PTPRO: variants seen among roughly 807,000 people sequenced by gnomAD.
The protein encoded by PTPRO is receptor-type tyrosine-protein phosphatase O.
A neutral mutation model predicts 145.2 loss-of-function variants in PTPRO; 62 were observed. The observed-to-expected ratio is 0.43, with a 90% CI of 0.35 to 0.53. The LOEUF is 0.53. Among genes scored for constraint, PTPRO ranks in the 20% least tolerant of loss-of-function variants. The pLI is 0.01. For missense variants in PTPRO, 1,345 were observed against 1,482.7 expected (o/e 0.91, Z 1.53); for synonymous variants, 565 against 514.7 (o/e 1.10, Z -1.32).
chr12:15,590,502 C>T (rs1944526530), intron 25 of PTPRO, among the ~76,000 whole-genome samples: 1 of 152,130 alleles, frequency 6.6e-6, no homozygotes, highest in Non-Finnish European at 1.5e-5. Flanking sequence ...TTTGGTCTTC[C>T]TCATGCTTTT....
intron 1 of PTPRO, among the ~76,000 whole-genome samples, chr12:15,389,191 C>T (rs1317064975): frequency 6.6e-6 from 1 of 151,248 alleles, no homozygotes; most frequent in Non-Finnish European, 1.5e-5. Context: ...GCAAGCTCTG[C>T]CTCCCAGGTT....
Position 15,524,980 on chromosome 12 carries a change from A to T in PTPRO, c.2043+15A>T, listed in dbSNP as rs1367744986. On this transcript the variant is annotated intron_variant, in intron 11 of 26. Coordinates refer to ENST00000281171, the MANE Select transcript of PTPRO (RefSeq NM_030667.3). ...TTAAAAAGAGTGTATGTTTCTTTGA[A>T]TGCCAGCATTGTGTGTCTGTAAATT... The T allele has an allele frequency of 6.2e-7, 1 of 1,613,256 alleles. No individual in the cohort carries two copies. The highest frequency in any genetic ancestry group is 2.2e-5 in the East Asian group (1 of 44,828).
intron 1 of PTPRO, chr12:15,440,009 G>C: frequency 1.5e-6 from 1 of 679,488 alleles, no homozygotes; most frequent in South Asian, 1.5e-5. Flanking sequence ...GCTCTCCATT[G>C]TCCCTGTGTG....
chr12:15,458,597 C>G (rs558908344), intron 1 of PTPRO, among the ~76,000 whole-genome samples: 19 of 151,234 alleles, frequency 1.3e-4, no homozygotes, highest in Non-Finnish European at 2.4e-4. Flanking sequence ...TTTGCTGATC[C>G]TTTCTTCTGC....
In PTPRO at chr12:15,565,099, G is replaced by A. The variant is rs181126168; in HGVS notation, c.2712-494G>A. On this transcript the variant is annotated intron_variant, in intron 17 of 26. Coordinates refer to ENST00000281171, the MANE Select transcript of PTPRO (RefSeq NM_030667.3). The stretch of plus-strand genomic sequence containing the variant: ...CAACGCCATAGTAGAATTATACAAG[G>A]TACATGTCCACACTGACAGCACACA... 2.6e-5 allele frequency among the ~76,000 whole-genome samples: 4 copies of A among 152,208 alleles called. No homozygotes were observed. The East Asian group carries it at 7.7e-4, about 29-fold the overall frequency.
chr12:15,574,967 C>G (rs965758434), intron 19 of PTPRO, among the ~76,000 whole-genome samples: 1 of 152,096 alleles, frequency 6.6e-6, no homozygotes, highest in Non-Finnish European at 1.5e-5. Flanking sequence ...CTGTGGCCCC[C>G]CAAAATTCCT....
intron 12 of PTPRO, among the ~76,000 whole-genome samples, chr12:15,531,461 A>G (rs1329635462): frequency 1.3e-5 from 2 of 152,206 alleles, no homozygotes; most frequent in Admixed American, 6.5e-5. Flanking sequence ...TAATGTCAAA[A>G]TAATTCTTTA....
chr12:15,391,996 C>T lies in PTPRO; in HGVS notation c.75+69195C>T, dbSNP rs1401849641. Among the ~76,000 whole-genome samples, 11 of 152,128 alleles carry T rather than the reference C, an allele frequency of 7.2e-5. 1 individual carries two copies. The highest frequency in any genetic ancestry group is 5.2e-4 in the Admixed American group (8 of 15,268). ...GCAACCCAACCCATAAGGTATTATA[C>T]CCAAGTTTTTGTCTTCACTGGGGCC... On this transcript the variant is annotated intron_variant, in intron 1 of 26. Coordinates refer to ENST00000281171, the MANE Select transcript of PTPRO (RefSeq NM_030667.3).
chr12:15,536,894 AT>A (rs1943076341), intron 12 of PTPRO, among the ~76,000 whole-genome samples: 1 of 152,182 alleles, frequency 6.6e-6, no homozygotes, highest in Admixed American at 6.5e-5. Context: ...CAGATAAGAG[AT>A]TATACTTGTT....
At chr12:15,350,465 A>G (rs560658781) in intron 1 of PTPRO, among the ~76,000 whole-genome samples, 2 of 152,304 alleles carry the variant, frequency 1.3e-5, no homozygotes, top group South Asian at 4.1e-4. Context: ...AATTAGCTGC[A>G]TATCAATCAG....
At chr12:15,430,126 C>T (rs902847280) in intron 1 of PTPRO, among the ~76,000 whole-genome samples, 5 of 151,702 alleles carry the variant, frequency 3.3e-5, no homozygotes, top group African/African-American at 7.3e-5. Flanking sequence ...GAGAAAATAG[C>T]AAGCCTAGAG....
intron 1 of PTPRO, among the ~76,000 whole-genome samples, chr12:15,397,418 T>C (rs1487674355): frequency 1.3e-5 from 2 of 152,176 alleles, no homozygotes; most frequent in Non-Finnish European, 2.9e-5. Context: ...GATCCAGATC[T>C]TTCTGATTGA....
chr12:15,439,933 C>T (rs991084930), intron 1 of PTPRO: 152 of 675,284 alleles, frequency 2.3e-4, no homozygotes, highest in African/African-American at 1.9e-3. Flanking sequence ...ATGGCCACAT[C>T]GGTCTGGGTG....
intron 1 of PTPRO, among the ~76,000 whole-genome samples, chr12:15,365,399 T>C (rs1303219217): frequency 1.3e-5 from 2 of 151,874 alleles, no homozygotes; most frequent in South Asian, 4.1e-4. Flanking sequence ...TTTGGGGGAA[T>C]GGCTATATAT....
intron 14 of PTPRO, among the ~76,000 whole-genome samples, chr12:15,550,648 T>A (rs1245696881): frequency 1.3e-5 from 2 of 152,198 alleles, no homozygotes; most frequent in East Asian, 3.8e-4. Flanking sequence ...CGTCCATTGT[T>A]CTTTCTGTTT....
chr12:15,367,883 C>T (rs1938410096), intron 1 of PTPRO, among the ~76,000 whole-genome samples: 1 of 152,186 alleles, frequency 6.6e-6, no homozygotes, highest in South Asian at 2.1e-4. Context: ...TGCACCAAGC[C>T]TCACCTGGAG....
intron 22 of PTPRO, 34 bp from the exon 23 acceptor site, chr12:15,581,645 T>C: frequency 6.2e-7 from 1 of 1,610,684 alleles, no homozygotes; most frequent in African/African-American, 1.3e-5. Flanking sequence ...TCCTAGCCTG[T>C]TTGTTTTAAA....
intron 4 of PTPRO, among the ~76,000 whole-genome samples, chr12:15,500,079 A>G (rs201133100): frequency 1.0e-5 from 1 of 99,990 alleles, no homozygotes; most frequent in African/African-American, 3.4e-5. Context: ...GGATAGATGG[A>G]TGGGTGGATG....
intron 13 of PTPRO, among the ~76,000 whole-genome samples, chr12:15,548,202 TAA>T (rs61334908): frequency 2.7e-5 from 4 of 149,730 alleles, no homozygotes; most frequent in East Asian, 2.0e-4. Context: ...TCACTTACGG[TAA>T]AAAAAAAATG....
Sources: gnomAD v4.1 joint callset for allele counts (sites outside exome capture counted in the v4.1 genomes callset) on GRCh38, gnomAD v4.1.1 for gene constraint, MANE v1.5 for transcripts, NCBI Gene and HGNC (gene_info 2026-07-23, HGNC 2026-07-21) for gene names.